The following VGLL4 variants were observed in gnomAD, a reference collection of about 807,000 sequenced individuals.
VGLL4 encodes vestigial like family member 4, also known as transcription cofactor vestigial-like protein 4.
Under a neutral mutation model 21.0 loss-of-function variants are expected in VGLL4, and 7 were observed. The observed-to-expected ratio is 0.33, with a 90% CI of 0.19 to 0.63. The LOEUF is 0.63. VGLL4 is among the 20% of genes least tolerant of loss of function. The pLI is 0.78. For missense variants in VGLL4, 394 were observed against 425.7 expected (o/e 0.93, Z 0.66); for synonymous variants, 222 against 173.2 (o/e 1.28, Z -2.21).
chr3:11,573,557 C>T (rs893946456), intron 2 of VGLL4, among the ~76,000 whole-genome samples: 11 of 152,266 alleles, frequency 7.2e-5, no homozygotes, highest in African/African-American at 1.4e-4. Context: ...GCTGTCCCTC[C>T]GACGGCCATG....
At chr3:11,582,512 C>G in intron 2 of VGLL4, 1 of 678,836 alleles carries the variant, frequency 1.5e-6, no homozygotes, top group Admixed American at 2.9e-5. Flanking sequence ...TCAGGAACTC[C>G]TGGGAGGGTT....
At chr3:11,593,727 A>G (rs559257412) in intron 2 of VGLL4, among the ~76,000 whole-genome samples, 2 of 152,332 alleles carry the variant, frequency 1.3e-5, no homozygotes, top group Admixed American at 6.5e-5. Flanking sequence ...GAATCGGGAC[A>G]TCGGGCTCCA....
chr3:11,587,840 C>T (rs2074394946), intron 2 of VGLL4, among the ~76,000 whole-genome samples: 1 of 143,324 alleles, frequency 7.0e-6, no homozygotes, highest in Admixed American at 6.6e-5. Context: ...TTCATCCACA[C>T]AAGAAACCTG....
At chr3:11,613,989 C>A (rs1347970160) in intron 1 of VGLL4, among the ~76,000 whole-genome samples, 1 of 152,186 alleles carries the variant, frequency 6.6e-6, no homozygotes, top group Admixed American at 6.5e-5. Flanking sequence ...CAGGAGCCGG[C>A]GACGTCATCT....
At chr3:11,564,379 G>A (rs1199182712) in intron 3 of VGLL4, among the ~76,000 whole-genome samples, 2 of 146,980 alleles carry the variant, frequency 1.4e-5, no homozygotes, top group Admixed American at 1.4e-4. Context: ...CTTCATCCGC[G>A]TGACCGTCTA....
chr3:11,716,693 G>T lies in VGLL4; in HGVS notation c.-14+3701C>A, dbSNP rs543970086. On this transcript the variant is annotated intron_variant, in intron 1 of 5. Coordinates refer to the VGLL4 transcript ENST00000273038. ...TTCTGTATTTCAAGAAGGTATAATT[G>T]TTCTGGTTTTAGCACCTCCTACATT... Among the ~76,000 whole-genome samples the T allele has an allele frequency of 1.8e-3, 271 of 152,254 alleles. 4 individuals carry two copies. The highest frequency in any genetic ancestry group is 6.3e-3 in the African/African-American group (261 of 41,554).
At chr3:11,576,355 A>G (rs958198148) in intron 2 of VGLL4, among the ~76,000 whole-genome samples, 2 of 152,258 alleles carry the variant, frequency 1.3e-5, no homozygotes, top group Non-Finnish European at 2.9e-5. Context: ...TAAAATTCCT[A>G]CTGCTAATTT....
chr3:11,636,368 CA>C lies in VGLL4; in HGVS notation c.82+7068del, dbSNP rs560813048. ...AACAGGAAACTATTTTCATGCAAAACAGATATAAAATAAAAATCAAGAGCAA... is the reference window on the plus strand; with the variant it reads ...AACAGGAAACTATTTTCATGCAAAACGATATAAAATAAAAATCAAGAGCAA... On this transcript the variant is annotated intron_variant, in intron 1 of 4. Coordinates refer to ENST00000430365, the MANE Select transcript of VGLL4 (RefSeq NM_001128219.3). 7.4e-4 allele frequency among the ~76,000 whole-genome samples: 113 copies of C among 152,258 alleles called. 1 individual carries two copies. The South Asian group carries it at 0.017, about 23-fold the overall frequency.
At chr3:11,678,393 C>A (rs2076324482) in intron 2 of VGLL4, among the ~76,000 whole-genome samples, 1 of 152,210 alleles carries the variant, frequency 6.6e-6, no homozygotes, top group South Asian at 2.1e-4. Context: ...CATAAAATGC[C>A]TCTCTGACCC....
At chr3:11,583,813 T>C (rs372829963) in intron 2 of VGLL4, among the ~76,000 whole-genome samples, 14 of 152,290 alleles carry the variant, frequency 9.2e-5, no homozygotes, top group African/African-American at 2.9e-4. Context: ...AGTTCCTCTC[T>C]ACCCAGGGCT....
chr3:11,676,394 C>CAAAAA (rs1219773138), intron 2 of VGLL4, among the ~76,000 whole-genome samples: 27 of 54,318 alleles, frequency 5.0e-4, no homozygotes, highest in African/African-American at 1.3e-3. Context: ...GACTCTGTCT[C>CAAAAA]AAAAAAAAAA....
chr3:11,622,416 A>AT (rs2075279869), intron 1 of VGLL4, among the ~76,000 whole-genome samples: 2 of 70,312 alleles, frequency 2.8e-5, no homozygotes, highest in East Asian at 5.7e-4. Flanking sequence ...AATGGTTTTT[A>AT]CAAAAAAAAA....
intron 2 of VGLL4, among the ~76,000 whole-genome samples, chr3:11,585,497 A>G (rs776579648): frequency 9.9e-5 from 15 of 152,084 alleles, no homozygotes; most frequent in African/African-American, 2.4e-4. Flanking sequence ...TGAATTATTT[A>G]TAAGTAAAAA....
chr3:11,585,711 T>C (rs980926328), intron 2 of VGLL4, among the ~76,000 whole-genome samples: 6 of 152,230 alleles, frequency 3.9e-5, no homozygotes, highest in African/African-American at 1.2e-4. Context: ...AGGTGATTTA[T>C]CTTAGAGCAG....
At chr3:11,603,522 G>A (rs1301359358) in intron 1 of VGLL4, among the ~76,000 whole-genome samples, 1 of 152,082 alleles carries the variant, frequency 6.6e-6, no homozygotes, top group African/African-American at 2.4e-5. Flanking sequence ...AATTATCTCC[G>A]TTATTTGTGA....
chr3:11,592,619 G>A (rs1404847195), intron 2 of VGLL4, among the ~76,000 whole-genome samples: 2 of 152,178 alleles, frequency 1.3e-5, no homozygotes, highest in Non-Finnish European at 2.9e-5. Flanking sequence ...AGGCATTAGG[G>A]TCCAGTATCG....
intron 2 of VGLL4, among the ~76,000 whole-genome samples, chr3:11,591,162 G>C (rs1163840130): frequency 6.6e-6 from 1 of 152,154 alleles, no homozygotes; most frequent in Non-Finnish European, 1.5e-5. Context: ...CAGAATCCTG[G>C]GTTGTTTTGT....
intron 2 of VGLL4, among the ~76,000 whole-genome samples, chr3:11,694,914 G>A (rs1005396053): frequency 6.6e-6 from 1 of 152,124 alleles, no homozygotes; most frequent in Non-Finnish European, 1.5e-5. Context: ...GCTATATTTA[G>A]TTTATAAATG....
chr3:11,711,004 G>A (rs955958089), intron 1 of VGLL4, among the ~76,000 whole-genome samples: 7 of 151,982 alleles, frequency 4.6e-5, no homozygotes, highest in Non-Finnish European at 7.4e-5. Context: ...GGAGGCTGAG[G>A]CAGGAGAATC....
Sources: allele counts gnomAD v4.1 joint callset (sites outside exome capture counted in the v4.1 genomes callset), GRCh38; gene constraint gnomAD v4.1.1; transcripts MANE v1.5; gene names NCBI Gene and HGNC (gene_info 2026-07-23, HGNC 2026-07-21).